The following LRP1B variants were observed in gnomAD, a reference collection of about 807,000 sequenced individuals.
LRP1B encodes low-density lipoprotein receptor-related protein 1B.
A neutral mutation model predicts 556.6 loss-of-function variants in LRP1B; 217 were observed. The ratio of observed to expected loss-of-function variants is 0.39; its 90% CI spans 0.35 to 0.44. The LOEUF is 0.44. LRP1B is among the 20% of genes least tolerant of loss of function. LRP1B has a pLI of 1.00. For missense variants in LRP1B, 5,053 were observed against 5,620.8 expected, an observed-to-expected ratio of 0.90 and a Z score of 3.23; for synonymous variants, 2,047 against 1,865.8, an observed-to-expected ratio of 1.10 and a Z score of -2.50.
At chr2:140,873,019 G>T (rs1311054647) in intron 25 of LRP1B, among the ~76,000 whole-genome samples, 1 of 151,690 alleles carries the variant, frequency 6.6e-6, no homozygotes, top group Non-Finnish European at 1.5e-5. Context: ...TACTTTATCA[G>T]GAAAAAAAGA....
intron 20 of LRP1B, among the ~76,000 whole-genome samples, chr2:140,926,808 G>C (rs1382644360): frequency 2.0e-5 from 3 of 152,116 alleles, no homozygotes; most frequent in Non-Finnish European, 4.4e-5. Flanking sequence ...CAGAAAGTTA[G>C]AGGTTTTCTT....
chr2:140,579,883 A>G (rs532378210), intron 43 of LRP1B, among the ~76,000 whole-genome samples: 2 of 152,234 alleles, frequency 1.3e-5, no homozygotes, highest in South Asian at 4.1e-4. Flanking sequence ...TAGGGTAAAA[A>G]CCATTTTCAG....
At chr2:141,499,278 G>A (rs942360616) in intron 2 of LRP1B, among the ~76,000 whole-genome samples, 1 of 152,002 alleles carries the variant, frequency 6.6e-6, no homozygotes, top group Non-Finnish European at 1.5e-5. Context: ...CGGTTATTTT[G>A]GGAAGTCAGA....
intron 1 of LRP1B, among the ~76,000 whole-genome samples, chr2:142,055,156 C>A (rs1704620598): frequency 6.6e-6 from 1 of 151,722 alleles, no homozygotes; most frequent in Non-Finnish European, 1.5e-5. Context: ...GGTCTAGAGG[C>A]AAACAGAGGA....
chr2:142,055,215 A>G (rs997700655), intron 1 of LRP1B, among the ~76,000 whole-genome samples: 1 of 152,176 alleles, frequency 6.6e-6, no homozygotes, highest in African/African-American at 2.4e-5. Flanking sequence ...AATATGAAAA[A>G]AAGGAATAGA....
chr2:141,134,957 G>A (rs751088594), intron 7 of LRP1B, among the ~76,000 whole-genome samples: 37 of 151,730 alleles, frequency 2.4e-4, no homozygotes, highest in Non-Finnish European at 4.3e-4. Context: ...AGTGGTTTCA[G>A]GGGTAAGATT....
At chr2:140,258,877 C>T (rs1032249540) in intron 86 of LRP1B, among the ~76,000 whole-genome samples, 3 of 152,218 alleles carry the variant, frequency 2.0e-5, no homozygotes, top group African/African-American at 7.2e-5. Flanking sequence ...TCTTTGTCTT[C>T]CTTTACATTG....
At chr2:141,094,488 A>G in intron 7 of LRP1B, among the ~76,000 whole-genome samples, 1 of 152,190 alleles carries the variant, frequency 6.6e-6, no homozygotes, top group East Asian at 1.9e-4. Context: ...GGTAGGGCAC[A>G]AAGGATTTTA....
intron 2 of LRP1B, among the ~76,000 whole-genome samples, chr2:141,786,736 A>C (rs1191205895): frequency 6.6e-6 from 1 of 151,920 alleles, no homozygotes; most frequent in Non-Finnish European, 1.5e-5. Flanking sequence ...CAAAAAAAGC[A>C]CGGAACCTCT....
intron 86 of LRP1B, among the ~76,000 whole-genome samples, chr2:140,266,788 T>C (rs1682223037): frequency 6.6e-6 from 1 of 152,200 alleles, no homozygotes; most frequent in African/African-American, 2.4e-5. Context: ...CATTCATTGA[T>C]CTCTATTTAA....
chr2:141,976,902 A>G (rs954380177), intron 1 of LRP1B, among the ~76,000 whole-genome samples: 21 of 152,322 alleles, frequency 1.4e-4, no homozygotes, highest in South Asian at 6.2e-4. Flanking sequence ...AAATTATTGA[A>G]TAGAAAATAA....
Position 140,373,093 on chromosome 2 carries a change from G to A in LRP1B, c.10683C>T (p.Ser3561=), listed in dbSNP as rs1384482124. 6.2e-7 allele frequency: 1 copy of A among 1,612,872 alleles called. No individual in the cohort carries two copies. Among genetic ancestry groups the A allele is most frequent in the African/African-American group, 1.3e-5 (1 of 74,744 alleles). The change falls in exon 69 of 91, where the codon TCC becomes TCT. Residue 3561 remains serine (S), a synonymous_variant. Transcript: ENST00000389484. ...TSCSKDQFRC[S]NGQCIPAKWK... ...ATTTTGCTGGTATACACTGACCATTGGAACACCGGAACTGATCTTTGGAAC... is the reference window on the plus strand; with the variant it reads ...ATTTTGCTGGTATACACTGACCATTAGAACACCGGAACTGATCTTTGGAAC...
At position 140,770,990 on chromosome 2, in the gene LRP1B, T is replaced by C; in HGVS notation, c.5517A>G (p.Gln1839=). The C allele has an allele frequency of 6.3e-7, 1 of 1,576,566 alleles. No homozygotes were observed. Among genetic ancestry groups the C allele is most frequent in the Non-Finnish European group, 8.6e-7 (1 of 1,166,688 alleles). The part of the protein sequence containing the change: ...KEAQQGSNSC[Q]LNNGGCSQLC... ...GTTGAGAGCATCCACCATTGTTTAG[T>C]TGGCAGGAATTGCTGCCTGCATAGA... Residue 1839 remains glutamine (Q), a synonymous_variant, in exon 34 of 91, where the codon CAA becomes CAG. Coordinates refer to ENST00000389484, the MANE Select transcript of LRP1B (RefSeq NM_018557.3).
intron 7 of LRP1B, among the ~76,000 whole-genome samples, chr2:141,147,532 A>T (rs1422635655): frequency 6.6e-6 from 1 of 152,196 alleles, no homozygotes; most frequent in Non-Finnish European, 1.5e-5. Flanking sequence ...AATAAATAAA[A>T]AAGTCTCAGG....
Position 141,906,814 on chromosome 2 carries a change from C to A in LRP1B, c.83-96413G>T, listed in dbSNP as rs746527206. 5.5e-4 allele frequency among the ~76,000 whole-genome samples: 84 copies of A among 151,922 alleles called. 1 individual carries two copies. Among genetic ancestry groups the A allele is most frequent in the Admixed American group, 1.4e-3 (22 of 15,214 alleles). ...ACAAAGTAGACAAAGACTCAGAATA[C>A]TTGTAATCTTGTAAAACTAGATACA... On this transcript the variant is annotated intron_variant, in intron 1 of 90. Coordinates refer to ENST00000389484, the MANE Select transcript of LRP1B (RefSeq NM_018557.3).
At chr2:141,833,848 A>C (rs955303237) in intron 1 of LRP1B, among the ~76,000 whole-genome samples, 6 of 148,188 alleles carry the variant, frequency 4.0e-5, no homozygotes, top group African/African-American at 1.6e-4. Context: ...GAAAAAGGCA[A>C]AATGAGAAAA....
intron 31 of LRP1B, among the ~76,000 whole-genome samples, chr2:140,816,694 T>G (rs1226504640): frequency 6.6e-6 from 1 of 152,112 alleles, no homozygotes; most frequent in East Asian, 1.9e-4. Context: ...TAAATGTTCT[T>G]GGGTGCATTT....
At chr2:141,220,958 C>T (rs1425541376) in intron 6 of LRP1B, among the ~76,000 whole-genome samples, 3 of 152,002 alleles carry the variant, frequency 2.0e-5, no homozygotes, top group Non-Finnish European at 4.4e-5. Flanking sequence ...TTACCAGCCA[C>T]TAAAAAGTAC....
intron 3 of LRP1B, among the ~76,000 whole-genome samples, chr2:141,337,908 T>C (rs1687904456): frequency 6.6e-6 from 1 of 152,212 alleles, no homozygotes; most frequent in Non-Finnish European, 1.5e-5. Context: ...TTCTTGGTTC[T>C]TTGTATGCTA....
Sources: allele counts gnomAD v4.1 joint callset (sites outside exome capture counted in the v4.1 genomes callset), GRCh38; gene constraint gnomAD v4.1.1; transcripts MANE v1.5; gene names NCBI Gene and HGNC (gene_info 2026-07-23, HGNC 2026-07-21).